Variants in JPT1 observed in about 807,000 individuals in gnomAD.
JPT1 encodes the protein androgen-regulated protein 2.
Under a neutral mutation model 17.0 loss-of-function variants are expected in JPT1, and 5 were observed. The ratio of observed to expected loss-of-function variants is 0.29; its 90% CI spans 0.15 to 0.62. The LOEUF (loss-of-function observed/expected upper bound fraction) is 0.62. Ranked by LOEUF, JPT1 falls within the 20% of genes least tolerant of loss-of-function variation. The pLI is 0.85. For synonymous variants in JPT1, 71 were observed against 73.6 expected, an observed-to-expected ratio of 0.96 and a Z score of 0.18; for missense variants, 158 against 188.1, an observed-to-expected ratio of 0.84 and a Z score of 0.94.
At chr17:75,141,619 C>A (rs1305892824) in intron 4 of JPT1, among the ~76,000 whole-genome samples, 1 of 151,816 alleles carries the variant, frequency 6.6e-6, no homozygotes, top group African/African-American at 2.4e-5. Context: ...TGCCACTGCA[C>A]TCCAGCCTGG....
chr17:75,149,491 C>CCGGATAGCTGGGACTACAGG (rs2074504119), intron 1 of JPT1, among the ~76,000 whole-genome samples: 1 of 152,136 alleles, frequency 6.6e-6, no homozygotes, highest in Non-Finnish European at 1.5e-5. Context: ...CCTCAGCCTC[C>CCGGATAGCTGGGACTACAGG]CGGATAGCTG....
At chr17:75,139,733 A>G (rs887599870) in intron 4 of JPT1, among the ~76,000 whole-genome samples, 15 of 152,046 alleles carry the variant, frequency 9.9e-5, no homozygotes, top group African/African-American at 3.4e-4. Context: ...CAAGAGAATC[A>G]CTTGAACCCG....
intron 3 of JPT1, 160 bp downstream of exon 3, chr17:75,147,396 C>T (rs915901053): frequency 1.5e-5 from 9 of 581,976 alleles, no homozygotes; most frequent in Non-Finnish European, 2.5e-5. Flanking sequence ...TGTTAACACA[C>T]TTCTATGATT....
Position 75,135,608 on chromosome 17 carries a change from G to A in JPT1, c.*494C>T, listed in dbSNP as rs1300632562. Reference sequence around the variant, plus strand: ...CTTTGCAGGCGGCAAGGCAGGAGGCGCAGGCCTCTTCATTGTTCACATGTC... The same window carrying A: ...CTTTGCAGGCGGCAAGGCAGGAGGCACAGGCCTCTTCATTGTTCACATGTC... On this transcript the variant is annotated 3_prime_UTR_variant, in exon 5 of 5. Coordinates refer to ENST00000409753, the MANE Select transcript of JPT1 (RefSeq NM_016185.4). 1.2e-5 allele frequency: 2 copies of A among 162,516 alleles called. No individual in the cohort carries two copies. The highest frequency in any genetic ancestry group is 2.4e-5 in the African/African-American group (1 of 41,866). The allele number at this position is 162,516 out of a possible 1,614,324, so 10.1% of individuals were successfully genotyped here.
intron 4 of JPT1, 103 bp from the exon 5 acceptor site, chr17:75,136,353 G>C: frequency 8.8e-7 from 1 of 1,139,776 alleles, no homozygotes; most frequent in Non-Finnish European, 1.2e-6. Context: ...TTGATGGTTG[G>C]AAACATACCT....
intron 3 of JPT1, 56 bp downstream of exon 3, chr17:75,147,500 A>G: frequency 4.8e-6 from 6 of 1,246,012 alleles, no homozygotes; most frequent in Non-Finnish European, 7.0e-6. Flanking sequence ...TCTTAGTACA[A>G]ATTTCAGAAT....
In JPT1 at chr17:75,154,467, G is replaced by A. The variant is rs2074604734; in HGVS notation, c.-70C>T. ...AAGGGTCGGACCCGAGGGGCGCTGG[G>A]AAACTCCACACCCAACAGCCGACCA... On this transcript the variant is annotated 5_prime_UTR_variant, in exon 1 of 5. Transcript: ENST00000409753. The A allele has an allele frequency of 2.1e-6, 3 of 1,423,410 alleles. No homozygotes were observed. The highest frequency in any genetic ancestry group is 1.4e-5 in the African/African-American group (1 of 69,088). The allele number at this position is 1,423,410 out of a possible 1,614,324, so 88.2% of individuals were successfully genotyped here.
chr17:75,140,635 T>TG (rs1306179021), intron 4 of JPT1, among the ~76,000 whole-genome samples: 2 of 152,220 alleles, frequency 1.3e-5, no homozygotes, highest in African/African-American at 4.8e-5. Context: ...TAAACTGAAT[T>TG]GGGGTTGACC....
At position 75,153,061 on chromosome 17, in the gene JPT1, A is replaced by C. The variant is rs529956642; in HGVS notation, c.56+1281T>G. ...ATATGGCTATTTCACGTGTCTTCTT[A>C]GCCCCACAAAATGGCTCCCTTTGTG... On this transcript the variant is annotated intron_variant, in intron 1 of 4. Transcript: ENST00000409753. 3.9e-5 allele frequency: 6 copies of C among 152,254 alleles called. No individual in the cohort carries two copies. In the East Asian group the frequency reaches 9.6e-4, roughly 24 times the overall value. 9.4% of individuals were successfully genotyped at this position (152,254 alleles called of 1,614,324 possible).
At chr17:75,141,602 G>A (rs7225267) in intron 4 of JPT1, among the ~76,000 whole-genome samples, 149,198 of 151,906 alleles carry the variant, frequency 0.98, 73,329 homozygotes, top group Non-Finnish European at 1. Flanking sequence ...GCAGTGAGCC[G>A]AGATTATGCC....
In JPT1 at chr17:75,154,335, G is replaced by A; in HGVS notation, c.56+7C>T. 6.5e-7 allele frequency: 1 copy of A among 1,542,116 alleles called. No homozygotes were observed. Among genetic ancestry groups the A allele is most frequent in the Non-Finnish European group, 8.7e-7 (1 of 1,143,766 alleles). On this transcript the variant is annotated splice_region_variant and intron_variant, in intron 1 of 4. Transcript: ENST00000409753. ...CGCGCGGCTCGGGCGCGACCCGGTCGCCTCACCGGGAGCTATTCCTGCTGT... is the reference window on the plus strand; with the variant it reads ...CGCGCGGCTCGGGCGCGACCCGGTCACCTCACCGGGAGCTATTCCTGCTGT...
intron 2 of JPT1, chr17:75,148,125 C>A: frequency 4.2e-6 from 1 of 236,316 alleles, no homozygotes; most frequent in Non-Finnish European, 8.3e-6. Flanking sequence ...AGTCTGACTT[C>A]AGTCCTTACT....
chr17:75,153,934 AC>A (rs1445390622), intron 1 of JPT1: 1 of 154,204 alleles, frequency 6.5e-6, no homozygotes, highest in African/African-American at 2.4e-5. Context: ...GGACAATAGG[AC>A]CTGACCATGC....
intron 1 of JPT1, among the ~76,000 whole-genome samples, chr17:75,150,859 T>TTTTTTTTTTTTTGTTTTG (rs1568037387): frequency 3.6e-4 from 51 of 140,246 alleles, no homozygotes; most frequent in Non-Finnish European, 7.1e-4. Flanking sequence ...TTTTTTTTTT[T>TTTTTTTTTTTTTGTTTTG]TTTTTTTTTT....
chr17:75,143,417 G>A (rs938576035), intron 4 of JPT1, among the ~76,000 whole-genome samples: 1 of 151,992 alleles, frequency 6.6e-6, no homozygotes, highest in African/African-American at 2.4e-5. Context: ...AAATTAGCCA[G>A]GTATAGTAGC....
chr17:75,151,434 GAT>G (rs2074551250), intron 1 of JPT1, among the ~76,000 whole-genome samples: 1 of 152,084 alleles, frequency 6.6e-6, no homozygotes. Context: ...AAGGCAGGCA[GAT>G]CACAAGGTCA....
intron 4 of JPT1, 97 bp from the exon 5 acceptor site, chr17:75,136,347 T>C: frequency 3.1e-6 from 4 of 1,288,010 alleles, no homozygotes; most frequent in Middle Eastern, 4.0e-4. Context: ...TTTGGTTTGA[T>C]GGTTGGAAAC....
At position 75,136,116 on chromosome 17, in the gene JPT1, G is replaced by C; in HGVS notation, c.451C>G (p.Leu151Val). Residue 151 changes from leucine to valine, a missense_variant, in exon 5 of 5, where the codon CTC becomes GTC. Transcript: ENST00000409753. ...RRNPPGGKSS[L>V]VLG ...GACAGTCAGAGCTAACCCAAGACGAGGCTGGACTTGCCGCCAGGGGGATTT... is the reference window on the plus strand; with the variant it reads ...GACAGTCAGAGCTAACCCAAGACGACGCTGGACTTGCCGCCAGGGGGATTT... The C allele has an allele frequency of 6.2e-7, 1 of 1,614,260 alleles. No individual in the cohort carries two copies. The highest frequency in any genetic ancestry group is 8.5e-7 in the Non-Finnish European group (1 of 1,180,046).
intron 1 of JPT1, among the ~76,000 whole-genome samples, chr17:75,150,258 C>A (rs1191331771): frequency 2.1e-5 from 3 of 145,348 alleles, no homozygotes; most frequent in African/African-American, 7.5e-5. Flanking sequence ...TTTTTCTTTT[C>A]TTTTTTTTTT....
Sources: gnomAD v4.1 joint callset for allele counts (sites outside exome capture counted in the v4.1 genomes callset) on GRCh38, gnomAD v4.1.1 for gene constraint, MANE v1.5 for transcripts, NCBI Gene and HGNC (gene_info 2026-07-23, HGNC 2026-07-21) for gene names.